Variants in PTPRD observed in about 807,000 individuals in gnomAD.
PTPRD encodes protein tyrosine phosphatase receptor type D.
PTPRD carries 34 observed loss-of-function variants against 214.5 expected under a neutral mutation model. The observed-to-expected ratio is 0.16, with a 90% CI of 0.12 to 0.21. The LOEUF is 0.21. PTPRD is among the 10% of genes least tolerant of loss of function. The pLI, the probability that PTPRD is intolerant of heterozygous loss-of-function variation, is 1.00. For missense variants in PTPRD, 2,545 were observed against 2,398.7 expected (o/e 1.06, Z -1.27); for synonymous variants, 1,128 against 845.7 (o/e 1.33, Z -5.79).
At chr9:9,300,326 C>T (rs1954792128) in intron 9 of PTPRD, among the ~76,000 whole-genome samples, 1 of 151,678 alleles carries the variant, frequency 6.6e-6, no homozygotes, top group African/African-American at 2.4e-5. Flanking sequence ...TTAAGCTCCT[C>T]CTTCCAGATC....
intron 3 of PTPRD, among the ~76,000 whole-genome samples, chr9:10,256,734 T>C (rs984860363): frequency 6.6e-6 from 1 of 152,192 alleles, no homozygotes; most frequent in African/African-American, 2.4e-5. Context: ...TTTTATCTGT[T>C]CTACCTGCTT....
At chr9:10,400,261 C>A (rs1482518578) in intron 2 of PTPRD, among the ~76,000 whole-genome samples, 1 of 151,682 alleles carries the variant, frequency 6.6e-6, no homozygotes, top group African/African-American at 2.4e-5. Flanking sequence ...ATTGAGATAA[C>A]AGATATTAAG....
intron 5 of PTPRD, among the ~76,000 whole-genome samples, chr9:9,806,274 C>CA (rs143889921): frequency 0.078 from 11,658 of 149,496 alleles, 638 homozygotes; most frequent in African/African-American, 0.16. Context: ...TAGACAGTGC[C>CA]AAAAAAAAAG....
At chr9:10,409,504 A>G (rs570736072) in intron 2 of PTPRD, among the ~76,000 whole-genome samples, 1 of 151,894 alleles carries the variant, frequency 6.6e-6, no homozygotes, top group South Asian at 2.1e-4. Flanking sequence ...AAATTCTTTC[A>G]CCAATATTTA....
At chr9:10,191,852 G>C (rs993968547) in intron 3 of PTPRD, among the ~76,000 whole-genome samples, 1 of 152,036 alleles carries the variant, frequency 6.6e-6, no homozygotes, top group Admixed American at 6.6e-5. Flanking sequence ...TTCTCTATAT[G>C]ACTTCGTCAA....
intron 4 of PTPRD, among the ~76,000 whole-genome samples, chr9:9,983,053 G>C (rs1382437649): frequency 5.9e-5 from 5 of 84,092 alleles, no homozygotes; most frequent in African/African-American, 1.9e-4. Flanking sequence ...ACTTAAATAT[G>C]TTATACCAAA....
chr9:10,447,976 C>A (rs2098811046), intron 2 of PTPRD, among the ~76,000 whole-genome samples: 1 of 151,760 alleles, frequency 6.6e-6, no homozygotes. Flanking sequence ...CACATAGTCC[C>A]CATTATAATC....
Position 9,684,017 on chromosome 9 carries a change from A to G in PTPRD, c.-287+50516T>C, listed in dbSNP as rs2097124277. Among the ~76,000 whole-genome samples, 3 of 151,694 alleles carry G rather than the reference A, an allele frequency of 2.0e-5. No individual in the cohort carries two copies. The South Asian group carries it at 6.2e-4, about 31-fold the overall frequency. On this transcript the variant is annotated intron_variant, in intron 7 of 45. Transcript: ENST00000381196. ...CAGTGAGGGCTTCTTTGTAGCCTAA[A>G]GAGGATTATGTAGACCTCTAGGGAA...
intron 2 of PTPRD, among the ~76,000 whole-genome samples, chr9:10,377,612 G>C (rs1038865330): frequency 6.6e-6 from 1 of 151,976 alleles, no homozygotes; most frequent in Non-Finnish European, 1.5e-5. Context: ...CCCTACAAAG[G>C]ACATGAACTC....
At chr9:10,500,431 A>G (rs1458215553) in intron 2 of PTPRD, among the ~76,000 whole-genome samples, 1 of 151,962 alleles carries the variant, frequency 6.6e-6, no homozygotes, top group Non-Finnish European at 1.5e-5. Flanking sequence ...TTGTGAATAC[A>G]TAGTAGGTAT....
intron 5 of PTPRD, among the ~76,000 whole-genome samples, chr9:9,804,153 T>G (rs1598317531): frequency 6.6e-6 from 1 of 152,158 alleles, no homozygotes; most frequent in Admixed American, 6.6e-5. Context: ...AATCAACTAC[T>G]GCTATGTATA....
intron 8 of PTPRD, among the ~76,000 whole-genome samples, chr9:9,402,425 G>A (rs1222369515): frequency 6.6e-6 from 1 of 152,090 alleles, no homozygotes; most frequent in Non-Finnish European, 1.5e-5. Flanking sequence ...AAATCCTAAA[G>A]GGAGATTTAA....
intron 4 of PTPRD, among the ~76,000 whole-genome samples, chr9:9,970,322 C>A (rs1217740494): frequency 6.6e-6 from 1 of 151,162 alleles, no homozygotes; most frequent in Non-Finnish European, 1.5e-5. Flanking sequence ...TGGTGGCAGG[C>A]ACCTGTAGTC....
intron 5 of PTPRD, among the ~76,000 whole-genome samples, chr9:9,774,552 A>T (rs1419117969): frequency 6.6e-6 from 1 of 152,166 alleles, no homozygotes; most frequent in African/African-American, 2.4e-5. Flanking sequence ...CATCAACTTC[A>T]ACAGCCAGCT....
intron 3 of PTPRD, among the ~76,000 whole-genome samples, chr9:10,231,107 T>C (rs1349630378): frequency 6.6e-6 from 1 of 151,942 alleles, no homozygotes; most frequent in East Asian, 1.9e-4. Context: ...CCAAATCTGG[T>C]AAGTCTTAGG....
At chr9:10,436,551 T>C (rs560624750) in intron 2 of PTPRD, among the ~76,000 whole-genome samples, 2 of 151,772 alleles carry the variant, frequency 1.3e-5, no homozygotes, top group South Asian at 4.1e-4. Flanking sequence ...ACATATTATA[T>C]TATATAAAAT....
intron 9 of PTPRD, among the ~76,000 whole-genome samples, chr9:9,185,706 C>T (rs932321215): frequency 6.6e-5 from 10 of 152,122 alleles, no homozygotes; most frequent in African/African-American, 2.4e-4. Context: ...TGCTGAATGG[C>T]ACCTTCAGGC....
chr9:9,284,278 A>G (rs1948686242), intron 9 of PTPRD, among the ~76,000 whole-genome samples: 1 of 151,618 alleles, frequency 6.6e-6, no homozygotes, highest in South Asian at 2.1e-4. Context: ...AAGGTAATAA[A>G]GTTTGTTGGT....
chr9:10,048,420 G>A (rs928636170), intron 3 of PTPRD, among the ~76,000 whole-genome samples: 1 of 152,004 alleles, frequency 6.6e-6, no homozygotes, highest in Admixed American at 6.6e-5. Flanking sequence ...CTGGGTACTG[G>A]CTTCTTATAT....
Sources: gnomAD v4.1 joint callset for allele counts (sites outside exome capture counted in the v4.1 genomes callset) on GRCh38, gnomAD v4.1.1 for gene constraint, MANE v1.5 for transcripts, NCBI Gene and HGNC (gene_info 2026-07-23, HGNC 2026-07-21) for gene names.